BCKDHB: variants seen among roughly 807,000 people sequenced by gnomAD.
BCKDHB encodes branched chain keto acid dehydrogenase E1 subunit beta.
In BCKDHB, 41 loss-of-function variants were observed where a neutral mutation model predicts 48.5. The observed-to-expected ratio is 0.85, with a 90% CI of 0.66 to 1.10. The LOEUF is 1.10. Among genes scored for constraint, BCKDHB ranks in the 50% least tolerant of loss-of-function variants. The pLI is 0.00. For synonymous variants in BCKDHB, 201 were observed against 174.8 expected (o/e 1.15, Z -1.18); for missense variants, 496 against 494.2 (o/e 1.00, Z -0.03).
rs533388085 is a variant in BCKDHB at position 80,310,837 on chromosome 6, C to T, written c.1039-32827C>T. On this transcript the variant is annotated intron_variant, in intron 9 of 9. Coordinates refer to ENST00000320393, the MANE Select transcript of BCKDHB (RefSeq NM_183050.4). The stretch of plus-strand genomic sequence containing the variant: ...TTCATTGGGGTTTTGATTTGCATTT[C>T]TCTAATGATAACAGTAATGTTGCAC... Among the ~76,000 whole-genome samples, 3 of 152,304 alleles carry T rather than the reference C, an allele frequency of 2.0e-5. No homozygotes were observed. In the East Asian group the frequency reaches 5.8e-4, roughly 29 times the overall value.
intron 6 of BCKDHB, among the ~76,000 whole-genome samples, chr6:80,175,873 C>G (rs1665789389): frequency 6.6e-6 from 1 of 152,178 alleles, no homozygotes; most frequent in South Asian, 2.1e-4. Context: ...ATTGTTGCTT[C>G]TGTGTTTGAT....
chr6:80,311,130 C>T lies in BCKDHB; in HGVS notation c.1039-32534C>T, dbSNP rs571739605. Reference sequence around the variant, plus strand: ...GCTGTTCTCATGATAGTGAATAAGTCTCATGAGATCTGATGGTTTTAAAAA... The same window carrying T: ...GCTGTTCTCATGATAGTGAATAAGTTTCATGAGATCTGATGGTTTTAAAAA... On this transcript the variant is annotated intron_variant, in intron 9 of 9. Coordinates refer to ENST00000320393, the MANE Select transcript of BCKDHB (RefSeq NM_183050.4). Among the ~76,000 whole-genome samples, 4 of 152,100 alleles carry T rather than the reference C, an allele frequency of 2.6e-5. No individual in the cohort carries two copies. In the East Asian group the frequency reaches 7.8e-4, roughly 29 times the overall value.
chr6:80,150,550 C>CTTTT lies in BCKDHB; in HGVS notation c.344-17109_344-17106dup, dbSNP rs758701261. On this transcript the variant is annotated intron_variant, in intron 3 of 9. Coordinates refer to ENST00000320393, the MANE Select transcript of BCKDHB (RefSeq NM_183050.4). Reference sequence around the variant, plus strand: ...AAGTATAGTCAATCAAGTTTGTCATCTTTTTTTTTTTTTTTTTTTTTTGTG... The same window carrying CTTTT: ...AAGTATAGTCAATCAAGTTTGTCATCTTTTTTTTTTTTTTTTTTTTTTTTTTGTG... 4.3e-3 allele frequency among the ~76,000 whole-genome samples: 457 copies of CTTTT among 105,398 alleles called. 1 individual carries two copies. The highest frequency in any genetic ancestry group is 6.9e-3 in the East Asian group (23 of 3,324). 69.1% of individuals were successfully genotyped at this position (105,398 alleles called of 152,430 possible). A position where few individuals can be genotyped will look rare whatever the true frequency, so the allele number is the denominator to read the frequency against.
At chr6:80,374,663 G>A in the BCKDHB span, 1 of 452,696 alleles carries the variant, frequency 2.2e-6, no homozygotes, top group African/African-American at 2.0e-5. Context: ...TTATTATTGA[G>A]ATTTGAGGTA....
At chr6:80,250,195 C>A (rs978814) in intron 8 of BCKDHB, among the ~76,000 whole-genome samples, 55,285 of 151,952 alleles carry the variant, frequency 0.36, 12,012 homozygotes, top group East Asian at 0.56. Flanking sequence ...TCTTGATATT[C>A]TGGTTGAGGA....
intron 3 of BCKDHB, among the ~76,000 whole-genome samples, chr6:80,136,276 T>C (rs1770878227): frequency 6.6e-6 from 1 of 152,148 alleles, no homozygotes; most frequent in Non-Finnish European, 1.5e-5. Context: ...CATTGATGAA[T>C]GGAATAGAAT....
the BCKDHB span, among the ~76,000 whole-genome samples, chr6:80,421,246 G>A: frequency 6.6e-6 from 1 of 152,034 alleles, no homozygotes; most frequent in African/African-American, 2.4e-5. Context: ...GTGAAAAAGG[G>A]GCCTACTTCC....
At chr6:80,417,517 T>A in the BCKDHB span, among the ~76,000 whole-genome samples, 12 of 152,346 alleles carry the variant, frequency 7.9e-5, 1 homozygote, top group South Asian at 2.5e-3. Context: ...TCAGGACTTC[T>A]TGTAAGGCAA....
At chr6:80,370,518 T>C in the BCKDHB span, among the ~76,000 whole-genome samples, 1 of 152,146 alleles carries the variant, frequency 6.6e-6, no homozygotes, top group South Asian at 2.1e-4. Flanking sequence ...CCATACACTG[T>C]ACCCAATGTG....
chr6:80,209,984 G>T (rs948926855), intron 8 of BCKDHB, among the ~76,000 whole-genome samples: 2 of 151,948 alleles, frequency 1.3e-5, no homozygotes, highest in Non-Finnish European at 2.9e-5. Flanking sequence ...TACACTAAGT[G>T]TTGGCAATAA....
the BCKDHB span, among the ~76,000 whole-genome samples, chr6:80,390,837 A>G: frequency 6.6e-6 from 1 of 152,164 alleles, no homozygotes; most frequent in Non-Finnish European, 1.5e-5. Context: ...TGTGTCTATG[A>G]GGGTGTTGCC....
intron 8 of BCKDHB, among the ~76,000 whole-genome samples, chr6:80,227,086 T>C (rs1415545178): frequency 2.6e-5 from 4 of 152,330 alleles, no homozygotes; most frequent in South Asian, 2.1e-4. Flanking sequence ...CTGGATACTT[T>C]AGTTAATATA....
Position 80,148,841 on chromosome 6 carries a change from T to C in BCKDHB, c.344-18837T>C, listed in dbSNP as rs547586312. ...ATTCAAGATGGATTAAAGACTTAAA[T>C]GTTAGACCTAAAACCATAAAAACCC... On this transcript the variant is annotated intron_variant, in intron 3 of 9. Coordinates refer to ENST00000320393, the MANE Select transcript of BCKDHB (RefSeq NM_183050.4). Among the ~76,000 whole-genome samples, 265 of 152,156 alleles carry C rather than the reference T, an allele frequency of 1.7e-3. 1 individual carries two copies. Among genetic ancestry groups the C allele is most frequent in the African/African-American group, 6.1e-3 (251 of 41,454 alleles).
At chr6:80,136,659 A>G (rs1222763610) in intron 3 of BCKDHB, among the ~76,000 whole-genome samples, 3 of 152,124 alleles carry the variant, frequency 2.0e-5, no homozygotes, top group Admixed American at 2.0e-4. Flanking sequence ...ACAGGGAAAA[A>G]AGGCAGTTCA....
intron 9 of BCKDHB, among the ~76,000 whole-genome samples, chr6:80,294,216 A>G (rs1469944834): frequency 6.6e-6 from 1 of 152,202 alleles, no homozygotes; most frequent in Admixed American, 6.5e-5. Context: ...TTTCATGGAC[A>G]TTTATCGGTT....
intron 3 of BCKDHB, among the ~76,000 whole-genome samples, chr6:80,140,803 A>G (rs1771164699): frequency 6.6e-6 from 1 of 152,060 alleles, no homozygotes; most frequent in African/African-American, 2.4e-5. Context: ...TGGTATCAGG[A>G]TGTTGCTGGC....
intron 3 of BCKDHB, among the ~76,000 whole-genome samples, chr6:80,150,034 T>C (rs1292130963): frequency 6.6e-6 from 1 of 151,986 alleles, no homozygotes; most frequent in African/African-American, 2.4e-5. Flanking sequence ...AAGACTTTTG[T>C]TTCTAGCTTC....
At chr6:80,434,508 A>C in the BCKDHB span, among the ~76,000 whole-genome samples, 1 of 151,886 alleles carries the variant, frequency 6.6e-6, no homozygotes, top group South Asian at 2.1e-4. Context: ...TGGGTTTTGC[A>C]TGATGGTAAT....
chr6:80,215,482 G>A (rs944913649), intron 8 of BCKDHB, among the ~76,000 whole-genome samples: 2 of 152,170 alleles, frequency 1.3e-5, no homozygotes, highest in African/African-American at 4.8e-5. Context: ...TGTGTATTAT[G>A]TTCATTGCTA....
Sources: gnomAD v4.1 joint callset for allele counts (sites outside exome capture counted in the v4.1 genomes callset) on GRCh38, gnomAD v4.1.1 for gene constraint, MANE v1.5 for transcripts, NCBI Gene and HGNC (gene_info 2026-07-23, HGNC 2026-07-21) for gene names.